NAALADL2: variants seen among roughly 807,000 people sequenced by gnomAD.
NAALADL2 encodes inactive N-acetylated-alpha-linked acidic dipeptidase-like protein 2.
A neutral mutation model predicts 87.2 loss-of-function variants in NAALADL2; 76 were observed. That is an observed-to-expected ratio of 0.87 (90% confidence interval 0.72 to 1.05). The LOEUF is 1.05. Among genes scored for constraint, NAALADL2 ranks in the 50% least tolerant of loss-of-function variants. The probability of loss-of-function intolerance (pLI) is 0.00; values close to 1 mark genes in which losing one functional copy is unlikely to be tolerated. For missense variants in NAALADL2, 1,089 were observed against 945.8 expected, an observed-to-expected ratio of 1.15 and a Z score of -1.99; for synonymous variants, 354 against 331.0, an observed-to-expected ratio of 1.07 and a Z score of -0.75.
chr3:174,480,989 G>A (rs1356640167), intron 1 of NAALADL2, among the ~76,000 whole-genome samples: 2 of 152,108 alleles, frequency 1.3e-5, no homozygotes, highest in East Asian at 3.9e-4. Context: ...AAGGACACTA[G>A]AAGATGATAC....
intron 13 of NAALADL2, among the ~76,000 whole-genome samples, chr3:175,758,497 T>C (rs1054687942): frequency 6.6e-6 from 1 of 152,134 alleles, no homozygotes; most frequent in East Asian, 1.9e-4. Flanking sequence ...CTCAAAATTG[T>C]CACGAATTTG....
chr3:175,008,235 T>A (rs1315462908), intron 1 of NAALADL2, among the ~76,000 whole-genome samples: 1 of 151,892 alleles, frequency 6.6e-6, no homozygotes, highest in African/African-American at 2.4e-5. Flanking sequence ...GAAAAATAAA[T>A]AAGCCTGCCA....
At chr3:174,671,357 C>T (rs1470259693) in intron 2 of NAALADL2, among the ~76,000 whole-genome samples, 2 of 151,982 alleles carry the variant, frequency 1.3e-5, no homozygotes, top group Non-Finnish European at 2.9e-5. Context: ...TGTTGGGGTC[C>T]TAGTGAAATC....
intron 5 of NAALADL2, among the ~76,000 whole-genome samples, chr3:175,357,131 T>C (rs1764469017): frequency 6.6e-6 from 1 of 152,202 alleles, no homozygotes; most frequent in African/African-American, 2.4e-5. Context: ...CTCTCCTCAC[T>C]ATTTTTTATT....
chr3:174,920,188 A>G (rs1224446390), intron 1 of NAALADL2, among the ~76,000 whole-genome samples: 1 of 152,216 alleles, frequency 6.6e-6, no homozygotes, highest in Non-Finnish European at 1.5e-5. Flanking sequence ...AGCTCCTAAC[A>G]GAAGAGTCAG....
chr3:175,031,107 A>G (rs1752748272), intron 1 of NAALADL2, among the ~76,000 whole-genome samples: 1 of 152,002 alleles, frequency 6.6e-6, no homozygotes, highest in Non-Finnish European at 1.5e-5. Flanking sequence ...AACCAACTAT[A>G]ACTTTGTTTT....
chr3:174,461,798 A>T (rs1249367897), intron 1 of NAALADL2, among the ~76,000 whole-genome samples: 1 of 152,058 alleles, frequency 6.6e-6, no homozygotes, highest in African/African-American at 2.4e-5. Context: ...TTCTAAGACA[A>T]CAGTACTCTT....
rs551925568 is a variant in NAALADL2 at position 174,666,342 on chromosome 3, G to A, written c.-114-71299G>A. On this transcript the variant is annotated intron_variant, in intron 2 of 3. Transcript: ENST00000434257. Reference sequence around the variant, plus strand: ...TTTCTTCAGCTATTGCAAACACCAAGCACGAATAGTATGAATTACTTAACA... The same window carrying A: ...TTTCTTCAGCTATTGCAAACACCAAACACGAATAGTATGAATTACTTAACA... 8.5e-5 allele frequency among the ~76,000 whole-genome samples: 13 copies of A among 152,226 alleles called. No homozygotes were observed. The South Asian group carries it at 2.7e-3, about 32-fold the overall frequency.
chr3:175,627,513 G>A (rs1727155744), intron 11 of NAALADL2, 127 bp downstream of exon 11: 2 of 606,466 alleles, frequency 3.3e-6, no homozygotes, highest in South Asian at 4.7e-5. Flanking sequence ...TATAAGAAAG[G>A]ATTTTAGTAT....
At chr3:175,083,121 G>A (rs1243967284) in intron 1 of NAALADL2, among the ~76,000 whole-genome samples, 1 of 152,194 alleles carries the variant, frequency 6.6e-6, no homozygotes, top group East Asian at 1.9e-4. Context: ...GGAACTTGAT[G>A]TTGGTAAATT....
chr3:175,320,016 T>C (rs922387834), intron 4 of NAALADL2, among the ~76,000 whole-genome samples: 2 of 152,142 alleles, frequency 1.3e-5, no homozygotes, highest in South Asian at 2.1e-4. Flanking sequence ...TAAGCAGTAA[T>C]TGGGGAGTGA....
intron 2 of NAALADL2, among the ~76,000 whole-genome samples, chr3:174,606,847 C>T (rs1333327058): frequency 1.3e-5 from 2 of 152,102 alleles, no homozygotes; most frequent in African/African-American, 4.8e-5. Flanking sequence ...TCGAGAAGAG[C>T]AACTCCAAGA....
intron 10 of NAALADL2, among the ~76,000 whole-genome samples, chr3:175,585,560 T>C (rs1041233969): frequency 6.6e-6 from 1 of 152,212 alleles, no homozygotes. Context: ...CTAATGTTAA[T>C]GTTTCCTTGT....
chr3:175,517,896 A>G (rs1732106732), intron 9 of NAALADL2, among the ~76,000 whole-genome samples: 1 of 152,150 alleles, frequency 6.6e-6, no homozygotes, highest in Non-Finnish European at 1.5e-5. Context: ...TGGTTGAACC[A>G]GGTGTGATAT....
chr3:175,645,247 C>T (rs1429475975), intron 11 of NAALADL2, among the ~76,000 whole-genome samples: 1 of 151,976 alleles, frequency 6.6e-6, no homozygotes, highest in Non-Finnish European at 1.5e-5. Context: ...CATACTGCCT[C>T]ACATCCCGAC....
chr3:174,612,054 A>G (rs1033176666), intron 2 of NAALADL2, among the ~76,000 whole-genome samples: 1 of 151,896 alleles, frequency 6.6e-6, no homozygotes, highest in African/African-American at 2.4e-5. Flanking sequence ...AGATATTTTC[A>G]CTGGATATAC....
At chr3:174,591,768 A>G (rs940956407) in intron 2 of NAALADL2, among the ~76,000 whole-genome samples, 2 of 152,202 alleles carry the variant, frequency 1.3e-5, no homozygotes, top group Admixed American at 6.5e-5. Flanking sequence ...ATTATAGTAT[A>G]CAAGGCACAG....
intron 1 of NAALADL2, among the ~76,000 whole-genome samples, chr3:174,913,731 A>G (rs1734008495): frequency 6.6e-6 from 1 of 152,174 alleles, no homozygotes; most frequent in Non-Finnish European, 1.5e-5. Flanking sequence ...TAAATATTTT[A>G]TCCTTTCTGT....
intron 5 of NAALADL2, among the ~76,000 whole-genome samples, chr3:175,414,010 T>C (rs1714116728): frequency 6.6e-6 from 1 of 152,138 alleles, no homozygotes; most frequent in Non-Finnish European, 1.5e-5. Context: ...TCTGTCCATA[T>C]CACTATGTTT....
Sources: allele counts gnomAD v4.1 joint callset (sites outside exome capture counted in the v4.1 genomes callset), GRCh38; gene constraint gnomAD v4.1.1; transcripts MANE v1.5; gene names NCBI Gene and HGNC (gene_info 2026-07-23, HGNC 2026-07-21).